Variants in ATF7 observed in about 807,000 individuals in gnomAD.
ATF7 encodes the protein cyclic AMP-dependent transcription factor ATF-7.
ATF7 carries 10 observed loss-of-function variants against 50.4 expected under a neutral mutation model. The ratio of observed to expected loss-of-function variants is 0.20; its 90% CI spans 0.12 to 0.34. The LOEUF is 0.34. ATF7 is among the 10% of genes least tolerant of loss of function. The pLI is 1.00. For missense variants in ATF7, 465 were observed against 613.9 expected, an observed-to-expected ratio of 0.76 and a Z score of 2.56; for synonymous variants, 201 against 226.4, an observed-to-expected ratio of 0.89 and a Z score of 1.01.
At chr12:53,590,946 TA>T (rs1784531638) in intron 2 of ATF7, among the ~76,000 whole-genome samples, 1 of 152,182 alleles carries the variant, frequency 6.6e-6, no homozygotes. Flanking sequence ...ATTGTTATAG[TA>T]GATACATATT....
At chr12:53,585,612 T>C (rs1942642587) in intron 2 of ATF7, among the ~76,000 whole-genome samples, 1 of 152,128 alleles carries the variant, frequency 6.6e-6, no homozygotes, top group African/African-American at 2.4e-5. Flanking sequence ...GCATATTCAT[T>C]CTCATACAGT....
intron 3 of ATF7, among the ~76,000 whole-genome samples, chr12:53,548,854 G>A (rs1940120726): frequency 6.6e-6 from 1 of 152,136 alleles, no homozygotes; most frequent in African/African-American, 2.4e-5. Context: ...GTGTGGTGGT[G>A]CACATCTGTA....
At chr12:53,596,119 C>T (rs574389052) in intron 2 of ATF7, among the ~76,000 whole-genome samples, 3 of 152,062 alleles carry the variant, frequency 2.0e-5, no homozygotes, top group African/African-American at 4.8e-5. Flanking sequence ...ATCAACATGG[C>T]GAAACCTGTC....
intron 11 of ATF7, 102 bp downstream of exon 11, chr12:53,523,174 C>T: frequency 1.1e-6 from 1 of 910,726 alleles, no homozygotes; most frequent in Non-Finnish European, 1.8e-6. Flanking sequence ...CGTGGGGTCC[C>T]CAGAACATTC....
At chr12:53,595,892 C>G (rs1276646390) in intron 2 of ATF7, among the ~76,000 whole-genome samples, 1 of 152,104 alleles carries the variant, frequency 6.6e-6, no homozygotes, top group Non-Finnish European at 1.5e-5. Flanking sequence ...ACCTAAATGT[C>G]CTCTGGGAGA....
At chr12:53,525,064 C>T (rs1051818656) in intron 9 of ATF7, 8 of 269,706 alleles carry the variant, frequency 3.0e-5, no homozygotes, top group South Asian at 6.8e-5. Context: ...CTTAACAATA[C>T]GGAATCTTGA....
chr12:53,614,791 A>C (rs955460152), intron 1 of ATF7, among the ~76,000 whole-genome samples: 7 of 152,208 alleles, frequency 4.6e-5, no homozygotes, highest in African/African-American at 1.7e-4. Context: ...GTTAAAGAAA[A>C]TGGTGTTGGC....
intron 4 of ATF7, among the ~76,000 whole-genome samples, chr12:53,540,352 CAAAAAAAAA>C (rs575991616): frequency 1.5e-4 from 12 of 78,624 alleles, no homozygotes; most frequent in Non-Finnish European, 3.5e-4. Flanking sequence ...GACTCCGTCT[CAAAAAAAAA>C]AAAAAAGAAA....
chr12:53,616,471 C>T (rs1944121907), intron 1 of ATF7, among the ~76,000 whole-genome samples: 1 of 152,026 alleles, frequency 6.6e-6, no homozygotes, highest in South Asian at 2.1e-4. Flanking sequence ...ATCTGCCCAC[C>T]TCAGCCTCCC....
chr12:53,521,630 C>A (rs557711163), intron 11 of ATF7, among the ~76,000 whole-genome samples: 1 of 152,308 alleles, frequency 6.6e-6, no homozygotes, highest in Admixed American at 6.5e-5. Context: ...TTTCATATTA[C>A]CCTTCCCTGT....
chr12:53,606,909 T>G lies in ATF7; in HGVS notation c.-21-5888A>C, dbSNP rs1289294357. Among the ~76,000 whole-genome samples the G allele has an allele frequency of 2.6e-5, 4 of 152,248 alleles. No homozygotes were observed. The South Asian group carries it at 6.2e-4, about 24-fold the overall frequency. On this transcript the variant is annotated intron_variant, in intron 1 of 11. Coordinates refer to ENST00000420353, the MANE Select transcript of ATF7 (RefSeq NM_006856.3). ...GACATGAACTCATCATTTTTATGGCTGCATAGTATTCCATGGTGTATATGT... is the reference window on the plus strand; with the variant it reads ...GACATGAACTCATCATTTTTATGGCGGCATAGTATTCCATGGTGTATATGT...
chr12:53,542,655 C>T (rs970826627), intron 4 of ATF7, among the ~76,000 whole-genome samples: 2 of 152,008 alleles, frequency 1.3e-5, no homozygotes, highest in African/African-American at 4.8e-5. Flanking sequence ...TCTTGAACTC[C>T]TGTAATCCTC....
At chr12:53,537,587 T>A in intron 4 of ATF7, 35 bp from the exon 5 acceptor site, 1 of 1,606,004 alleles carries the variant, frequency 6.2e-7, no homozygotes. Context: ...AGTTTAACCC[T>A]ATGATTCCTT....
chr12:53,563,064 T>C (rs1941240747), intron 2 of ATF7, among the ~76,000 whole-genome samples: 2 of 152,206 alleles, frequency 1.3e-5, no homozygotes, highest in Non-Finnish European at 2.9e-5. Flanking sequence ...CTGCGAAGTC[T>C]ATTTATTTTC....
chr12:53,565,066 A>G (rs1286150651), intron 2 of ATF7, among the ~76,000 whole-genome samples: 1 of 152,176 alleles, frequency 6.6e-6, no homozygotes, highest in Non-Finnish European at 1.5e-5. Context: ...GCCCTCAGCC[A>G]TACTGCAATA....
intron 1 of ATF7, among the ~76,000 whole-genome samples, chr12:53,608,795 G>C (rs959786271): frequency 6.6e-6 from 1 of 152,108 alleles, no homozygotes; most frequent in African/African-American, 2.4e-5. Flanking sequence ...ATTAAGCAAA[G>C]AGTACAAATA....
At chr12:53,606,484 G>A (rs1315343385) in intron 1 of ATF7, among the ~76,000 whole-genome samples, 1 of 152,030 alleles carries the variant, frequency 6.6e-6, no homozygotes, top group Non-Finnish European at 1.5e-5. Flanking sequence ...CAGACCTTAG[G>A]TGATCCACCC....
Position 53,524,591 on chromosome 12 carries a change from T to G in ATF7, c.1098A>C (p.Glu366Asp). The change falls in exon 10 of 12, where the codon GAA (glutamate) becomes GAC (aspartate). Residue 366 changes from glutamate (E) to aspartate (D), a missense_variant. Physicochemically the swap from Glu to Asp is conservative, Grantham distance 45. Coordinates refer to ENST00000420353, the MANE Select transcript of ATF7 (RefSeq NM_006856.3). This position sits in a 1 kb window ranked among gnomAD's most constrained non-coding sequence, Gnocchi z 4.6. ...WVSSLEKKAE[E>D]LTSQNIQLSN... ...TCAGCTGAATGTTCTGAGAAGTGAGTTCTTCGGCCTTCTTCTCTAGGGAGG... is the reference window on the plus strand; with the variant it reads ...TCAGCTGAATGTTCTGAGAAGTGAGGTCTTCGGCCTTCTTCTCTAGGGAGG... The G allele has an allele frequency of 6.2e-7, 1 of 1,613,960 alleles. No homozygotes were observed. Among genetic ancestry groups the G allele is most frequent in the South Asian group, 1.1e-5 (1 of 91,084 alleles).
At chr12:53,542,114 T>TTTTTTTTTTTG (rs1437592989) in intron 4 of ATF7, among the ~76,000 whole-genome samples, 32 of 146,444 alleles carry the variant, frequency 2.2e-4, no homozygotes, top group Admixed American at 2.0e-3. Flanking sequence ...CCTGTTTTTT[T>TTTTTTTTTTTG]TTTTTTTTTT....
Sources: gnomAD v4.1 joint callset for allele counts (sites outside exome capture counted in the v4.1 genomes callset) on GRCh38, gnomAD v4.1.1 for gene constraint, Gnocchi (gnomAD v3.1) non-coding constraint, MANE v1.5 for transcripts, NCBI Gene and HGNC (gene_info 2026-07-23, HGNC 2026-07-21) for gene names.